The following CNTN4 variants were observed in gnomAD, a reference collection of about 807,000 sequenced individuals.
The protein encoded by CNTN4 is contactin-4.
A neutral mutation model predicts 122.5 loss-of-function variants in CNTN4; 77 were observed. The ratio of observed to expected loss-of-function variants is 0.63; its 90% CI spans 0.52 to 0.76. The LOEUF is 0.76. CNTN4 is among the 30% of genes least tolerant of loss of function. CNTN4 has a pLI of 0.00. For synonymous variants in CNTN4, 512 were observed against 447.0 expected (o/e 1.15, Z -1.83); for missense variants, 1,256 against 1,259.1 (o/e 1.00, Z 0.04).
rs927662019 is a variant in CNTN4 at position 2,659,411 on chromosome 3, G to A, written c.56-76804G>A. On this transcript the variant is annotated intron_variant, in intron 4 of 24. Coordinates refer to ENST00000418658, the MANE Select transcript of CNTN4 (RefSeq NM_175607.3). ...CAGGAGGTGGAGGTTGCGGTGAGCC[G>A]AGATCACATCACTGCACTTCACCCT... Among the ~76,000 whole-genome samples, 9 of 139,208 alleles carry A rather than the reference G, an allele frequency of 6.5e-5. No homozygotes were observed. In the East Asian group the frequency reaches 6.5e-4, roughly 10 times the overall value. 91.3% of individuals were successfully genotyped at this position (139,208 alleles called of 152,430 possible).
chr3:2,485,621 G>GT (rs967238146), intron 3 of CNTN4, among the ~76,000 whole-genome samples: 8 of 151,486 alleles, frequency 5.3e-5, no homozygotes, highest in African/African-American at 1.9e-4. Flanking sequence ...TAGGTAATCT[G>GT]GGGGGGACTT....
At chr3:2,998,366 T>C (rs1421915551) in intron 14 of CNTN4, among the ~76,000 whole-genome samples, 1 of 152,160 alleles carries the variant, frequency 6.6e-6, no homozygotes, top group African/African-American at 2.4e-5. Context: ...GTAGGAGTTT[T>C]TAAATAAATG....
intron 24 of CNTN4, among the ~76,000 whole-genome samples, chr3:3,055,652 T>C (rs1316305747): frequency 1.3e-5 from 2 of 152,218 alleles, no homozygotes; most frequent in Non-Finnish European, 2.9e-5. Flanking sequence ...TGGGTGATCT[T>C]AGATAAGTTA....
intron 6 of CNTN4, among the ~76,000 whole-genome samples, chr3:2,756,897 A>T (rs529619515): frequency 2.6e-5 from 4 of 151,014 alleles, no homozygotes; most frequent in African/African-American, 9.7e-5. Flanking sequence ...GAGAGAATAA[A>T]TTTTTTTTTT....
chr3:2,459,510 C>A (rs897743375), intron 3 of CNTN4, among the ~76,000 whole-genome samples: 2 of 152,060 alleles, frequency 1.3e-5, no homozygotes, highest in Non-Finnish European at 2.9e-5. Context: ...ATGAAAAAGT[C>A]ATGTATGGTA....
chr3:2,121,769 C>T (rs901804763), intron 2 of CNTN4, among the ~76,000 whole-genome samples: 5 of 152,156 alleles, frequency 3.3e-5, no homozygotes, highest in African/African-American at 1.2e-4. Flanking sequence ...TCCTTCTGCT[C>T]AAGAAGTAGG....
chr3:2,178,765 A>G (rs2036871236), intron 2 of CNTN4, among the ~76,000 whole-genome samples: 1 of 151,980 alleles, frequency 6.6e-6, no homozygotes, highest in South Asian at 2.1e-4. Context: ...TTCTGTTATC[A>G]TCTAACTCTA....
intron 6 of CNTN4, among the ~76,000 whole-genome samples, chr3:2,749,328 G>GTTT (rs11381094): frequency 0.026 from 3,560 of 135,550 alleles, 172 homozygotes; most frequent in African/African-American, 0.091. Flanking sequence ...GCCCAGATAA[G>GTTT]TTTTTTTTTT....
chr3:2,379,261 G>A (rs150170703), intron 3 of CNTN4, among the ~76,000 whole-genome samples: 35 of 143,012 alleles, frequency 2.4e-4, no homozygotes, highest in African/African-American at 8.3e-4. Context: ...ACCTTTTTCC[G>A]TTTCCTTTTT....
At chr3:2,967,502 AAGGG>A (rs1380803026) in intron 13 of CNTN4, among the ~76,000 whole-genome samples, 1 of 152,154 alleles carries the variant, frequency 6.6e-6, no homozygotes, top group Non-Finnish European at 1.5e-5. Flanking sequence ...TCTTATGGGA[AAGGG>A]CTGTTATTGT....
rs532660444 is a variant in CNTN4 at position 2,404,064 on chromosome 3, A to G, written c.-89+64831A>G. Among the ~76,000 whole-genome samples the G allele has an allele frequency of 5.5e-4, 84 of 152,276 alleles. 1 individual carries two copies. In the South Asian group the frequency reaches 8.5e-3, roughly 15 times the overall value. Reference sequence around the variant, plus strand: ...CAGTGGTTATTGTGCATGAGGCTCTATAGTTGACATAAATAGTGAAAAGAA... The same window carrying G: ...CAGTGGTTATTGTGCATGAGGCTCTGTAGTTGACATAAATAGTGAAAAGAA... On this transcript the variant is annotated intron_variant, in intron 3 of 24. Transcript: ENST00000418658.
intron 7 of CNTN4, chr3:2,866,298 T>G: frequency 5.5e-6 from 1 of 182,422 alleles, no homozygotes; most frequent in South Asian, 1.3e-4. Flanking sequence ...GCTATGCAAG[T>G]ATGGGGCATT....
intron 3 of CNTN4, among the ~76,000 whole-genome samples, chr3:2,367,561 G>A (rs903452202): frequency 6.6e-6 from 1 of 152,076 alleles, no homozygotes; most frequent in African/African-American, 2.4e-5. Context: ...TTTTGCTCTT[G>A]TTGCCCAGGC....
chr3:2,922,511 AAGT>A (rs2094438122), intron 12 of CNTN4, among the ~76,000 whole-genome samples: 1 of 152,224 alleles, frequency 6.6e-6, no homozygotes. Context: ...TTTCCCTTAA[AAGT>A]ACCACAGTTT....
Position 3,000,183 on chromosome 3 carries a change from TA to T in CNTN4, c.1486+11721del, listed in dbSNP as rs35222275. ...ATGAGTCTACAATATATATACTCTT[TA>T]AAAAAAAAATTAAATCTAGAACATA... On this transcript the variant is annotated intron_variant, in intron 14 of 24. Transcript: ENST00000418658. Among the ~76,000 whole-genome samples the T allele has an allele frequency of 8.2e-3, 1,225 of 150,086 alleles. 6 individuals carry two copies. Among genetic ancestry groups the T allele is most frequent in the Non-Finnish European group, 0.011 (736 of 67,374 alleles).
intron 2 of CNTN4, among the ~76,000 whole-genome samples, chr3:2,158,233 A>G (rs1473625387): frequency 6.6e-6 from 1 of 152,226 alleles, no homozygotes; most frequent in East Asian, 1.9e-4. Context: ...ACAAAGGGCG[A>G]ATTTTTTCCC....
chr3:3,018,312 A>G (rs991906085), intron 14 of CNTN4, among the ~76,000 whole-genome samples: 5 of 152,206 alleles, frequency 3.3e-5, no homozygotes, highest in African/African-American at 9.7e-5. Context: ...TCTTCTTTTT[A>G]TAAGTAGCAT....
intron 3 of CNTN4, among the ~76,000 whole-genome samples, chr3:2,508,703 G>C (rs2076801621): frequency 6.6e-6 from 1 of 152,100 alleles, no homozygotes; most frequent in Non-Finnish European, 1.5e-5. Context: ...TATACATTTT[G>C]GCTTCTAAAA....
chr3:2,240,491 C>G (rs1460184754), intron 2 of CNTN4, among the ~76,000 whole-genome samples: 1 of 151,968 alleles, frequency 6.6e-6, no homozygotes, highest in Non-Finnish European at 1.5e-5. Flanking sequence ...TAAACCAGGC[C>G]AAAGACTTCA....
Sources: allele counts gnomAD v4.1 joint callset (sites outside exome capture counted in the v4.1 genomes callset), GRCh38; gene constraint gnomAD v4.1.1; transcripts MANE v1.5; gene names NCBI Gene and HGNC (gene_info 2026-07-23, HGNC 2026-07-21).